DCAKD: variants seen among roughly 807,000 people sequenced by gnomAD.
The protein encoded by DCAKD is dephospho-CoA kinase domain-containing protein.
DCAKD carries 15 observed loss-of-function variants against 18.7 expected under a neutral mutation model. That is an observed-to-expected ratio of 0.80 (90% CI 0.54 to 1.24). DCAKD has a LOEUF of 1.24. Among genes scored for constraint, DCAKD ranks in the 50% most tolerant of loss-of-function variants. The pLI is 0.00. For missense variants in DCAKD, 301 were observed against 322.0 expected (o/e 0.93, Z 0.50); for synonymous variants, 130 against 133.0 (o/e 0.98, Z 0.16).
upstream of DCAKD, among the ~76,000 whole-genome samples, chr17:45,054,632 G>T (rs984790389): frequency 2.3e-4 from 35 of 152,020 alleles, no homozygotes; most frequent in African/African-American, 8.0e-4. Flanking sequence ...AAACCGTGGG[G>T]CCATACAGAA....
upstream of DCAKD, among the ~76,000 whole-genome samples, chr17:45,055,961 C>A (rs1380818658): frequency 1.3e-5 from 2 of 152,126 alleles, no homozygotes; most frequent in Non-Finnish European, 1.5e-5. Context: ...TGAGACTAGC[C>A]TGGCCAACAT....
At chr17:45,061,058 G>A (rs1010434887) in exon 1 of DCAKD, 3 of 1,223,868 alleles carry the variant, frequency 2.5e-6, no homozygotes, top group Admixed American at 4.2e-5. Flanking sequence ...CGGTTCCCAA[G>A]GGTCGGTCCC....
chr17:45,032,152 G>T, intron 3 of DCAKD: 2 of 983,980 alleles, frequency 2.0e-6, no homozygotes. Context: ...GAAAGGGCAG[G>T]AATGAAAGGC....
chr17:45,039,881 C>T (rs1253849739), intron 1 of DCAKD, among the ~76,000 whole-genome samples: 1 of 152,120 alleles, frequency 6.6e-6, no homozygotes, highest in Non-Finnish European at 1.5e-5. Context: ...TCACTTGAGG[C>T]CAGGAGTTCG....
At chr17:45,042,289 T>C (rs1475200484) in intron 1 of DCAKD, among the ~76,000 whole-genome samples, 1 of 152,178 alleles carries the variant, frequency 6.6e-6, no homozygotes, top group Admixed American at 6.5e-5. Flanking sequence ...CTTTGGACTT[T>C]CATTTCTGTT....
chr17:45,056,150 C>T (rs1009261255), upstream of DCAKD, among the ~76,000 whole-genome samples: 11 of 118,236 alleles, frequency 9.3e-5, no homozygotes, highest in Non-Finnish European at 1.6e-4. Flanking sequence ...AGCAAAGCTC[C>T]GTCTCAAAAA....
intron 3 of DCAKD, chr17:45,031,559 AG>A (rs2053171207): frequency 1.0e-6 from 1 of 985,310 alleles, no homozygotes; most frequent in African/African-American, 1.7e-5. Flanking sequence ...TTACTGTTGC[AG>A]GGGGAGGCCA....
chr17:45,027,177 C>CA (rs1210723385), intron 4 of DCAKD, among the ~76,000 whole-genome samples: 1 of 151,976 alleles, frequency 6.6e-6, no homozygotes, highest in African/African-American at 2.4e-5. Context: ...CCAATCTCTA[C>CA]AAAAAATAAA....
At chr17:45,053,184 A>C (rs1301442517), upstream of DCAKD, among the ~76,000 whole-genome samples, 5 of 149,574 alleles carry the variant, frequency 3.3e-5, no homozygotes, top group East Asian at 1.9e-4. Flanking sequence ...AAAAAAAAAA[A>C]AAAAAAAAAA....
chr17:45,035,392 G>A (rs1380703256), intron 1 of DCAKD, among the ~76,000 whole-genome samples: 2 of 150,476 alleles, frequency 1.3e-5, no homozygotes, highest in Non-Finnish European at 3.0e-5. Context: ...GTGGCAGGAG[G>A]ATCGCTTGAA....
Position 45,028,460 on chromosome 17 carries a change from A to G in DCAKD, c.404+1632T>C, listed in dbSNP as rs1417376691. Among the ~76,000 whole-genome samples, 9 of 134,126 alleles carry G rather than the reference A, an allele frequency of 6.7e-5. No homozygotes were observed. The Admixed American group carries it at 7.3e-4, about 11-fold the overall frequency. The allele number at this position is 134,126 out of a possible 152,430, so 88.0% of individuals were successfully genotyped here. A position where few individuals can be genotyped will look rare whatever the true frequency, so the allele number is the denominator to read the frequency against. On this transcript the variant is annotated intron_variant, in intron 4 of 4. Coordinates refer to ENST00000651974, the MANE Select transcript of DCAKD (RefSeq NM_001288655.2). ...GTTTCATTCTTGTTGCCCAGGCTGG[A>G]GTGCAATGGTACGATCTTGGCTCAT...
At chr17:45,041,677 C>T (rs1275025615) in intron 1 of DCAKD, among the ~76,000 whole-genome samples, 1 of 152,076 alleles carries the variant, frequency 6.6e-6, no homozygotes, top group Non-Finnish European at 1.5e-5. Context: ...CACCTCAGGG[C>T]TAACTACTCT....
intron 4 of DCAKD, chr17:45,026,725 T>C (rs1336409187): frequency 1.0e-6 from 1 of 985,326 alleles, no homozygotes; most frequent in Non-Finnish European, 1.2e-6. Context: ...TTTCCTCTGT[T>C]ACGGGGTCAG....
intron 1 of DCAKD, among the ~76,000 whole-genome samples, chr17:45,036,675 T>C (rs2143258582): frequency 6.6e-6 from 1 of 152,206 alleles, no homozygotes; most frequent in South Asian, 2.1e-4. Context: ...AAAAAAAGAC[T>C]TTCATGAAAT....
At chr17:45,046,087 A>G (rs1402106318) in intron 1 of DCAKD, among the ~76,000 whole-genome samples, 4 of 151,680 alleles carry the variant, frequency 2.6e-5, no homozygotes, top group Non-Finnish European at 4.4e-5. Flanking sequence ...TCGGCCTCCC[A>G]CAAGTGCTAG....
chr17:45,053,493 C>G (rs1185593288), upstream of DCAKD, among the ~76,000 whole-genome samples: 3 of 152,096 alleles, frequency 2.0e-5, no homozygotes, highest in African/African-American at 2.4e-5. Flanking sequence ...ATGATCTCGG[C>G]TCACTGCAAC....
chr17:45,050,742 C>G (rs7223994), intron 1 of DCAKD, among the ~76,000 whole-genome samples: 15 of 151,722 alleles, frequency 9.9e-5, no homozygotes, highest in African/African-American at 3.7e-4. Flanking sequence ...ATTTCCTCAC[C>G]GTTAGAATTG....
At chr17:45,029,888 G>T (rs139010806) in intron 4 of DCAKD, among the ~76,000 whole-genome samples, 1 of 152,160 alleles carries the variant, frequency 6.6e-6, no homozygotes, top group South Asian at 2.1e-4. Context: ...AGAGAAGCCC[G>T]CGGGCTGTCC....
chr17:45,041,310 C>T (rs1305275413), intron 1 of DCAKD, among the ~76,000 whole-genome samples: 3 of 151,706 alleles, frequency 2.0e-5, no homozygotes, highest in African/African-American at 4.8e-5. Context: ...CCTGAACATG[C>T]GGGCTCTTTT....
Sources: gnomAD v4.1 joint callset for allele counts (sites outside exome capture counted in the v4.1 genomes callset) on GRCh38, gnomAD v4.1.1 for gene constraint, MANE v1.5 for transcripts, NCBI Gene and HGNC (gene_info 2026-07-23, HGNC 2026-07-21) for gene names.